APMAP: variants seen among roughly 807,000 people sequenced by gnomAD.
APMAP encodes adipocyte plasma membrane-associated protein.
Under a neutral mutation model 43.6 loss-of-function variants are expected in APMAP, and 33 were observed. That is an observed-to-expected ratio of 0.76 (90% confidence interval 0.57 to 1.01). The LOEUF is 1.01. Among genes scored for constraint, APMAP ranks in the 50% least tolerant of loss-of-function variants. The pLI is 0.00. For missense variants in APMAP, 498 were observed against 540.7 expected, an observed-to-expected ratio of 0.92 and a Z score of 0.78; for synonymous variants, 224 against 216.7, an observed-to-expected ratio of 1.03 and a Z score of -0.30.
rs550501629 is a variant in APMAP at position 24,971,482 on chromosome 20, T to C, written c.516A>G (p.Leu172=). ...TLFVADAYKG[L]FEVNPWKREV... ...TACGTTTCCAGGGATTTACTTCAAA[T>C]AGTCCCTTGTATGCATCGGCCACAA... is the stretch of plus-strand genomic sequence containing the variant. Residue 172 remains leucine (L), a synonymous_variant, in exon 5 of 9, where the codon CTA becomes CTG. Coordinates refer to ENST00000217456, the MANE Select transcript of APMAP (RefSeq NM_020531.3). 3.7e-6 allele frequency: 6 copies of C among 1,613,888 alleles called. No individual in the cohort carries two copies. The highest frequency in any genetic ancestry group is 5.1e-6 in the Non-Finnish European group (6 of 1,179,848).
Position 24,978,881 on chromosome 20 carries a change from A to G in APMAP, c.214T>C (p.Phe72Leu). ...ESPIDPQPLS[F>L]KEPPLLLGVL... Reference sequence around the variant, plus strand: ...CCAAGCAAGAGCGGGGGTTCTTTGAAGCTGCAAAATAATGCAATTCCAGAG... The same window carrying G: ...CCAAGCAAGAGCGGGGGTTCTTTGAGGCTGCAAAATAATGCAATTCCAGAG... Residue 72 changes from phenylalanine (F) to leucine (L), a missense_variant and splice_region_variant, in exon 3 of 9, where the codon TTC becomes CTC. By Grantham distance (22) the Phe-to-Leu change is conservative. Transcript: ENST00000217456. 6.2e-7 allele frequency: 1 copy of G among 1,610,958 alleles called. No homozygotes were observed. The highest frequency in any genetic ancestry group is 8.5e-7 in the Non-Finnish European group (1 of 1,177,174).
At position 24,963,812 on chromosome 20, in the gene APMAP, G is replaced by C; in HGVS notation, c.*1C>G. The C allele has an allele frequency of 6.2e-7, 1 of 1,614,042 alleles. No homozygotes were observed. On this transcript the variant is annotated 3_prime_UTR_variant, in exon 9 of 9. Transcript: ENST00000217456. The stretch of plus-strand genomic sequence containing the variant: ...GTGGCAGGGGCAGCTATCTGGGAGG[G>C]CTAAACAGCCTGGAGGCTGAGTCTG...
chr20:24,984,020 C>A lies in APMAP; in HGVS notation c.96-1G>T. On this transcript the variant is annotated splice_acceptor_variant, in intron 1 of 8. Transcript: ENST00000217456. LOFTEE classifies it high-confidence loss of function. ...TCGGAAAACTCTGCCGCTAAAGGAGCTGCCAGAAATAAAAGATACAAAGGC... is the reference window on the plus strand; with the variant it reads ...TCGGAAAACTCTGCCGCTAAAGGAGATGCCAGAAATAAAAGATACAAAGGC... 6.2e-7 allele frequency: 1 copy of A among 1,608,678 alleles called. No homozygotes were observed. Among genetic ancestry groups the A allele is most frequent in the Non-Finnish European group, 8.5e-7 (1 of 1,175,368 alleles).
chr20:24,991,397 C>T (rs2122538080), intron 1 of APMAP, among the ~76,000 whole-genome samples: 1 of 152,314 alleles, frequency 6.6e-6, no homozygotes, highest in South Asian at 2.1e-4. Context: ...TCCTTGGAAA[C>T]CCCAGTCCAG....
At chr20:24,964,588 G>T (rs560470668) in intron 8 of APMAP, among the ~76,000 whole-genome samples, 2 of 152,126 alleles carry the variant, frequency 1.3e-5, no homozygotes, top group African/African-American at 4.8e-5. Context: ...CCTGAGGGAC[G>T]CCTACAGGGA....
In APMAP at chr20:24,971,489, T is replaced by C; in HGVS notation, c.509A>G (p.Lys170Arg). 1.2e-6 allele frequency: 2 copies of C among 1,614,228 alleles called. No individual in the cohort carries two copies. Among genetic ancestry groups the C allele is most frequent in the Non-Finnish European group, 1.7e-6 (2 of 1,180,010 alleles). Residue 170 changes from lysine to arginine, a missense_variant, in exon 5 of 9, where the codon AAG becomes AGG. By Grantham distance (26) the Lys-to-Arg change is conservative. Coordinates refer to ENST00000217456, the MANE Select transcript of APMAP (RefSeq NM_020531.3). ...NGTLFVADAY[K>R]GLFEVNPWKR... The stretch of plus-strand genomic sequence containing the variant: ...CCAGGGATTTACTTCAAATAGTCCC[T>C]TGTATGCATCGGCCACAAAGAGAGT...
Position 24,992,660 on chromosome 20 carries a change from C to T in APMAP, c.29G>A (p.Arg10His). The change falls in exon 1 of 9, where the codon CGC becomes CAC. Residue 10 changes from arginine (R) to histidine (H), a missense_variant. By Grantham distance (29) the Arg-to-His change is conservative. Coordinates refer to ENST00000217456, the MANE Select transcript of APMAP (RefSeq NM_020531.3). ...GACGACCTGCGGCCGCAGGGGCCGGCGCTGTCGCAGCCCGTCCGCCTCGCT... is the reference window on the plus strand; with the variant it reads ...GACGACCTGCGGCCGCAGGGGCCGGTGCTGTCGCAGCCCGTCCGCCTCGCT... MSEADGLRQ[R>H]RPLRPQVVTD... 1 of 1,554,552 alleles carries T rather than the reference C, an allele frequency of 6.4e-7. No individual in the cohort carries two copies. Among genetic ancestry groups the T allele is most frequent in the Non-Finnish European group, 8.7e-7 (1 of 1,152,508 alleles).
At chr20:24,990,558 T>C (rs2088183046) in intron 1 of APMAP, among the ~76,000 whole-genome samples, 1 of 152,238 alleles carries the variant, frequency 6.6e-6, no homozygotes, top group Non-Finnish European at 1.5e-5. Flanking sequence ...TTTCAAGGCT[T>C]CCTTTATTCT....
intron 1 of APMAP, among the ~76,000 whole-genome samples, chr20:24,987,486 G>A (rs2088157743): frequency 1.3e-5 from 2 of 152,300 alleles, no homozygotes; most frequent in African/African-American, 2.4e-5. Context: ...TACTTAATCA[G>A]TACAAGGTAA....
intron 6 of APMAP, 77 bp from the exon 7 acceptor site, chr20:24,969,737 A>C (rs2064404): frequency 0.73 from 1,108,899 of 1,512,878 alleles, 408,953 homozygotes; most frequent in East Asian, 1. Context: ...TATGGGCCTG[A>C]AGAAGGTGAC....
rs556286070 is a variant in APMAP at position 24,970,453 on chromosome 20, T to C, written c.539-82A>G. On this transcript the variant is annotated intron_variant, in intron 5 of 8. Coordinates refer to ENST00000217456, the MANE Select transcript of APMAP (RefSeq NM_020531.3). The stretch of plus-strand genomic sequence containing the variant: ...GCAAAATATTAACCAACCTAACTGA[T>C]TTAAAAAGAAAAACTGAAACTTCTC... 8.1e-5 allele frequency: 108 copies of C among 1,326,796 alleles called. No individual in the cohort carries two copies. The South Asian group carries it at 1.3e-3, about 16-fold the overall frequency. The allele number at this position is 1,326,796 out of a possible 1,614,324, so 82.2% of individuals were successfully genotyped here.
chr20:24,983,290 A>G (rs538719084), intron 2 of APMAP, among the ~76,000 whole-genome samples: 6 of 152,354 alleles, frequency 3.9e-5, no homozygotes, highest in African/African-American at 1.2e-4. Flanking sequence ...CCCCATCAGC[A>G]GTTGCAAGGG....
At chr20:24,969,384 C>A in intron 7 of APMAP, 142 bp downstream of exon 7, 5 of 1,346,458 alleles carry the variant, frequency 3.7e-6, no homozygotes, top group Non-Finnish European at 5.1e-6. Flanking sequence ...AAAGAAAGCG[C>A]ACCCTTGAAT....
chr20:24,972,592 G>A (rs2088015039), intron 4 of APMAP, among the ~76,000 whole-genome samples: 1 of 151,684 alleles, frequency 6.6e-6, no homozygotes, highest in African/African-American at 2.4e-5. Flanking sequence ...GGTGCTTATT[G>A]CAGGGTGTTC....
Position 24,971,520 on chromosome 20 carries a change from T to C in APMAP, c.478A>G (p.Asn160Asp). 6.2e-7 allele frequency: 1 copy of C among 1,614,238 alleles called. No individual in the cohort carries two copies. The highest frequency in any genetic ancestry group is 8.5e-7 in the Non-Finnish European group (1 of 1,180,030). ...GCATCGGCCACAAAGAGAGTCCCAT[T>C]GGGCCCTGCACGGATACCCAGGGGT... ...GRPLGIRAGP[N>D]GTLFVADAYK... The change falls in exon 5 of 9, where the codon AAT (asparagine) becomes GAT (aspartate). Residue 160 changes from asparagine (N) to aspartate (D), a missense_variant. Transcript: ENST00000217456.
intron 1 of APMAP, among the ~76,000 whole-genome samples, chr20:24,991,157 C>T (rs1337019934): frequency 6.6e-6 from 1 of 152,170 alleles, no homozygotes; most frequent in African/African-American, 2.4e-5. Flanking sequence ...GGCTGTAGGC[C>T]CTGGTTTTCA....
At chr20:24,987,859 T>C (rs2088161469) in intron 1 of APMAP, among the ~76,000 whole-genome samples, 1 of 152,192 alleles carries the variant, frequency 6.6e-6, no homozygotes, top group African/African-American at 2.4e-5. Flanking sequence ...TAGGACACCC[T>C]TCAACCCAAG....
intron 8 of APMAP, among the ~76,000 whole-genome samples, chr20:24,968,327 G>T (rs565183892): frequency 5.8e-4 from 88 of 152,328 alleles, no homozygotes; most frequent in African/African-American, 2.1e-3. Flanking sequence ...AAAGATTTGG[G>T]TGTGGTAAGA....
chr20:24,973,603 A>C (rs776181140), intron 4 of APMAP, 42 bp downstream of exon 4: 23 of 1,566,250 alleles, frequency 1.5e-5, no homozygotes, highest in Admixed American at 3.4e-5. Context: ...CATCTTTCTG[A>C]AAGACTGGAA....
Sources: allele counts gnomAD v4.1 joint callset (sites outside exome capture counted in the v4.1 genomes callset), GRCh38; gene constraint gnomAD v4.1.1; transcripts MANE v1.5; gene names NCBI Gene and HGNC (gene_info 2026-07-23, HGNC 2026-07-21).